Variants in ADAMTS3 observed in about 807,000 individuals in gnomAD.
The protein encoded by ADAMTS3 is A disintegrin and metalloproteinase with thrombospondin motifs 3.
A neutral mutation model predicts 129.0 loss-of-function variants in ADAMTS3; 73 were observed. The observed-to-expected ratio is 0.57, with a 90% CI of 0.47 to 0.69. ADAMTS3 has a LOEUF of 0.69. ADAMTS3 is among the 30% of genes least tolerant of loss of function. The pLI is 0.00. For missense variants in ADAMTS3, 1,457 were observed against 1,514.5 expected, an observed-to-expected ratio of 0.96 and a Z score of 0.63; for synonymous variants, 477 against 510.8, an observed-to-expected ratio of 0.93 and a Z score of 0.89.
intron 19 of ADAMTS3, among the ~76,000 whole-genome samples, chr4:72,295,316 A>T (rs1718777164): frequency 6.6e-6 from 1 of 151,948 alleles, no homozygotes; most frequent in South Asian, 2.1e-4. Context: ...AAAATAATAC[A>T]ATCTTCAGAT....
At chr4:72,511,882 A>C in intron 3 of ADAMTS3, among the ~76,000 whole-genome samples, 1 of 152,202 alleles carries the variant, frequency 6.6e-6, no homozygotes, top group South Asian at 2.1e-4. Flanking sequence ...CAACAGATGA[A>C]TGAATAAAGA....
At chr4:72,364,925 T>C (rs1327951422) in intron 4 of ADAMTS3, among the ~76,000 whole-genome samples, 1 of 152,138 alleles carries the variant, frequency 6.6e-6, no homozygotes, top group Non-Finnish European at 1.5e-5. Flanking sequence ...TATAAGTACA[T>C]GTATCTTGCA....
At chr4:72,510,164 T>C (rs1207448805) in intron 3 of ADAMTS3, among the ~76,000 whole-genome samples, 1 of 151,606 alleles carries the variant, frequency 6.6e-6, no homozygotes, top group East Asian at 1.9e-4. Context: ...ACAGCTAGTA[T>C]CATATTAAAT....
At chr4:72,565,689 G>A (rs539260518) in intron 2 of ADAMTS3, among the ~76,000 whole-genome samples, 2 of 152,302 alleles carry the variant, frequency 1.3e-5, no homozygotes, top group African/African-American at 4.8e-5. Flanking sequence ...TACACCCTAA[G>A]AGGGCTCCGC....
intron 4 of ADAMTS3, among the ~76,000 whole-genome samples, chr4:72,385,987 AT>A (rs960418427): frequency 5.1e-4 from 77 of 151,884 alleles, no homozygotes; most frequent in Admixed American, 1.1e-3. Context: ...ATTTCCATGT[AT>A]TTTTTTTAGG....
chr4:72,516,379 A>G (rs941336347), intron 3 of ADAMTS3, among the ~76,000 whole-genome samples: 9 of 152,172 alleles, frequency 5.9e-5, no homozygotes, highest in African/African-American at 1.9e-4. Flanking sequence ...GAAGAAAGTC[A>G]TTGGTAACTT....
chr4:72,335,109 A>C (rs1177232978), intron 5 of ADAMTS3, among the ~76,000 whole-genome samples: 3 of 152,158 alleles, frequency 2.0e-5, no homozygotes, highest in Admixed American at 6.5e-5. Flanking sequence ...TAGATTATGG[A>C]GAATTAAGGT....
chr4:72,440,258 C>G (rs1402365165), intron 3 of ADAMTS3, among the ~76,000 whole-genome samples: 1 of 151,700 alleles, frequency 6.6e-6, no homozygotes, highest in Non-Finnish European at 1.5e-5. Flanking sequence ...CATTTTATAT[C>G]CACACATCAA....
chr4:72,347,958 C>T (rs1244609782), intron 4 of ADAMTS3, among the ~76,000 whole-genome samples: 3 of 151,980 alleles, frequency 2.0e-5, no homozygotes, highest in African/African-American at 7.2e-5. Flanking sequence ...AAGCTCTTCA[C>T]CTCAAACTTC....
intron 4 of ADAMTS3, among the ~76,000 whole-genome samples, chr4:72,413,614 C>T (rs1258485897): frequency 1.3e-5 from 2 of 151,908 alleles, no homozygotes; most frequent in African/African-American, 4.8e-5. Context: ...TTGTTGAATA[C>T]TACCTTCAGC....
In ADAMTS3 at chr4:72,396,439, A is replaced by C. The variant is rs184333486; in HGVS notation, c.661+18376T>G. On this transcript the variant is annotated intron_variant, in intron 4 of 21. Coordinates refer to ENST00000286657, the MANE Select transcript of ADAMTS3 (RefSeq NM_014243.3). The stretch of plus-strand genomic sequence containing the variant: ...CTTGATATTTTATAAGAACTATAAA[A>C]TATCAGGAAAAAAACTTTCAGAGAA... Among the ~76,000 whole-genome samples the C allele has an allele frequency of 9.8e-5, 15 of 152,354 alleles. No individual in the cohort carries two copies. The East Asian group carries it at 2.9e-3, about 29-fold the overall frequency.
chr4:72,448,117 T>A (rs1396946994), intron 3 of ADAMTS3, among the ~76,000 whole-genome samples: 3 of 151,716 alleles, frequency 2.0e-5, no homozygotes, highest in Non-Finnish European at 3.0e-5. Flanking sequence ...GGCCCCTTAT[T>A]TACAAAGGCC....
At chr4:72,319,757 T>C (rs567390150) in intron 8 of ADAMTS3, 101 bp downstream of exon 8, 1 of 1,006,414 alleles carries the variant, frequency 9.9e-7, no homozygotes, top group Admixed American at 2.1e-5. Flanking sequence ...AAGACAAGAA[T>C]TGTATGCTGG....
chr4:72,367,612 A>T (rs1324719071), intron 4 of ADAMTS3, among the ~76,000 whole-genome samples: 2 of 152,180 alleles, frequency 1.3e-5, no homozygotes, highest in African/African-American at 2.4e-5. Context: ...GCACTTTGGG[A>T]GGCCGAGGCA....
At chr4:72,394,967 C>T (rs1268610039) in intron 4 of ADAMTS3, among the ~76,000 whole-genome samples, 3 of 151,804 alleles carry the variant, frequency 2.0e-5, no homozygotes, top group Non-Finnish European at 4.4e-5. Flanking sequence ...CTCTTGTTGC[C>T]CAGGCTGAGT....
chr4:72,375,634 C>T (rs1185625164), intron 4 of ADAMTS3, among the ~76,000 whole-genome samples: 1 of 152,086 alleles, frequency 6.6e-6, no homozygotes, highest in Middle Eastern at 3.4e-3. Context: ...AGGGGTCATG[C>T]TAGGCAGGAA....
intron 17 of ADAMTS3, among the ~76,000 whole-genome samples, chr4:72,298,981 A>C (rs1028471464): frequency 1.3e-5 from 2 of 151,778 alleles, no homozygotes; most frequent in Admixed American, 6.6e-5. Context: ...AAAACGAAAA[A>C]TCATAATTCT....
intron 3 of ADAMTS3, among the ~76,000 whole-genome samples, chr4:72,450,971 G>A (rs1008254933): frequency 3.5e-5 from 2 of 56,982 alleles, no homozygotes; most frequent in Admixed American, 1.2e-4. Context: ...CAGGCAAAAA[G>A]AAGAGAAGAG....
chr4:72,512,928 T>C (rs1049209317), intron 3 of ADAMTS3, among the ~76,000 whole-genome samples: 10 of 152,174 alleles, frequency 6.6e-5, no homozygotes, highest in African/African-American at 2.2e-4. Context: ...AGAGGGTACA[T>C]AGGAAATTTC....
Sources: gnomAD v4.1 joint callset for allele counts (sites outside exome capture counted in the v4.1 genomes callset) on GRCh38, gnomAD v4.1.1 for gene constraint, MANE v1.5 for transcripts, NCBI Gene and HGNC (gene_info 2026-07-23, HGNC 2026-07-21) for gene names.